The following JMJD1C variants were observed in gnomAD, a reference collection of about 807,000 sequenced individuals.
JMJD1C encodes jumonji domain containing 1C.
Under a neutral mutation model 245.3 loss-of-function variants are expected in JMJD1C, and 31 were observed. That is an observed-to-expected ratio of 0.13 (90% CI 0.09 to 0.17). JMJD1C has a LOEUF of 0.17. Ranked by LOEUF, JMJD1C falls within the 10% of genes least tolerant of loss-of-function variation. JMJD1C has a pLI of 1.00. For synonymous variants in JMJD1C, 1,057 were observed against 1,017.4 expected, an observed-to-expected ratio of 1.04 and a Z score of -0.74; for missense variants, 2,691 against 3,000.2, an observed-to-expected ratio of 0.90 and a Z score of 2.41.
intron 1 of JMJD1C, among the ~76,000 whole-genome samples, chr10:63,393,245 G>T (rs917381312): frequency 4.6e-5 from 7 of 152,142 alleles, no homozygotes; most frequent in African/African-American, 1.4e-4. Flanking sequence ...TCCAGCCTGG[G>T]CAACAGAGTG....
chr10:63,205,073 G>A lies in JMJD1C; in HGVS notation c.5074+1522C>T, dbSNP rs1483246468. 4 of 959,550 alleles carry A rather than the reference G, an allele frequency of 4.2e-6. No homozygotes were observed. In the East Asian group the frequency reaches 3.5e-4, roughly 83 times the overall value. 59.4% of individuals were successfully genotyped at this position (959,550 alleles called of 1,614,324 possible). On this transcript the variant is annotated intron_variant, in intron 10 of 25. Transcript: ENST00000399262. ...CAAACTGAGAAAAACTACTACTAGA[G>A]TAAAATGATATAGAAACACTTTATA...
Position 63,262,806 on chromosome 10 carries a change from T to TA in JMJD1C, c.447+1844dup, listed in dbSNP as rs530327751. Among the ~76,000 whole-genome samples, 27 of 73,490 alleles carry TA rather than the reference T, an allele frequency of 3.7e-4. No homozygotes were observed. The East Asian group carries it at 6.8e-3, about 18-fold the overall frequency. 48.2% of individuals were successfully genotyped at this position (73,490 alleles called of 152,430 possible). A position where few individuals can be genotyped will look rare whatever the true frequency, so the allele number is the denominator to read the frequency against. On this transcript the variant is annotated intron_variant, in intron 3 of 25. Transcript: ENST00000399262. ...AGCTCTTATGCCTCTCAAACTGTTT[T>TA]AAAAAAAGTTAGGGTACCCCCCCCA...
intron 1 of JMJD1C, among the ~76,000 whole-genome samples, chr10:63,488,701 T>C (rs1456195928): frequency 2.0e-5 from 3 of 152,220 alleles, no homozygotes; most frequent in Non-Finnish European, 4.4e-5. Context: ...AAGCTGAGAT[T>C]AACTCTATCT....
At chr10:63,293,740 T>G (rs1005535914) in intron 2 of JMJD1C, among the ~76,000 whole-genome samples, 1 of 152,122 alleles carries the variant, frequency 6.6e-6, no homozygotes, top group Non-Finnish European at 1.5e-5. Context: ...GGCTTATTTC[T>G]CCTTTGACTT....
At chr10:63,333,320 C>G (rs1942361461) in intron 2 of JMJD1C, among the ~76,000 whole-genome samples, 1 of 151,974 alleles carries the variant, frequency 6.6e-6, no homozygotes, top group Non-Finnish European at 1.5e-5. Context: ...TTAGGGAGGC[C>G]AAGGCAAGAG....
intron 3 of JMJD1C, among the ~76,000 whole-genome samples, chr10:63,245,133 C>CAAAAA (rs71025133): frequency 6.1e-5 from 4 of 65,690 alleles, no homozygotes; most frequent in African/African-American, 1.6e-4. Flanking sequence ...GACTCTGTCT[C>CAAAAA]AAAAAAAAAA....
intron 2 of JMJD1C, chr10:63,268,859 G>T: frequency 4.1e-6 from 4 of 985,820 alleles, no homozygotes; most frequent in Non-Finnish European, 4.8e-6. Context: ...CGGCGTCATT[G>T]TATAGGAAGA....
intron 2 of JMJD1C, among the ~76,000 whole-genome samples, chr10:63,355,344 T>C (rs895928789): frequency 1.3e-5 from 2 of 152,216 alleles, no homozygotes; most frequent in African/African-American, 4.8e-5. Flanking sequence ...CAAAGCTTAT[T>C]TCCATTTCAC....
At chr10:63,365,014 T>C (rs1945718347) in intron 2 of JMJD1C, among the ~76,000 whole-genome samples, 3 of 152,244 alleles carry the variant, frequency 2.0e-5, no homozygotes, top group Admixed American at 2.0e-4. Flanking sequence ...CCCTTTATGA[T>C]TTGATCACCG....
Position 63,214,843 on chromosome 10 carries a change from T to G in JMJD1C, c.1324A>C (p.Lys442Gln), listed in dbSNP as rs1165666562. 6.2e-7 allele frequency: 1 copy of G among 1,614,062 alleles called. No homozygotes were observed. Residue 442 changes from lysine (K) to glutamine (Q), a missense_variant, in exon 8 of 26, where the codon AAA becomes CAA. By Grantham distance (53) the Lys-to-Gln change is moderately conservative (BLOSUM62 1). Transcript: ENST00000399262. Reference sequence around the variant, plus strand: ...TTCCGCTTCTCTGCTTCTTCATGTTTTTTATCTTCCTGTATTTGATCCCAG... The same window carrying G: ...TTCCGCTTCTCTGCTTCTTCATGTTGTTTATCTTCCTGTATTTGATCCCAG... ...PPWDQIQEDK[K>Q]HEEAEKRKSV...
chr10:63,518,489 A>G (rs544595685), intron 1 of JMJD1C, among the ~76,000 whole-genome samples: 1 of 152,362 alleles, frequency 6.6e-6, no homozygotes, highest in South Asian at 2.1e-4. Flanking sequence ...GTAGCTGAAT[A>G]TATCTATGAA....
intron 2 of JMJD1C, among the ~76,000 whole-genome samples, chr10:63,339,785 A>G (rs866514217): frequency 6.6e-6 from 1 of 152,204 alleles, no homozygotes; most frequent in African/African-American, 2.4e-5. Flanking sequence ...AATTAGCCGG[A>G]TGTGGTCTCA....
chr10:63,356,675 A>G (rs1944872045), intron 2 of JMJD1C, among the ~76,000 whole-genome samples: 1 of 152,216 alleles, frequency 6.6e-6, no homozygotes, highest in African/African-American at 2.4e-5. Context: ...AGTTTAAAAC[A>G]ACACTTTTGG....
intron 2 of JMJD1C, among the ~76,000 whole-genome samples, chr10:63,296,340 G>A (rs1859431941): frequency 6.6e-6 from 1 of 151,886 alleles, no homozygotes; most frequent in Non-Finnish European, 1.5e-5. Flanking sequence ...TTGAGATCAC[G>A]AACAGCAGCA....
At chr10:63,484,232 GGATGGATAGATAGATA>G (rs59316603) in intron 1 of JMJD1C, among the ~76,000 whole-genome samples, 3,463 of 93,848 alleles carry the variant, frequency 0.037, 104 homozygotes, top group Middle Eastern at 0.098. Flanking sequence ...ATGGATGGAT[GGATGGATAGATAGATA>G]GATAGATAGA....
chr10:63,472,611 C>T (rs1564956866), intron 1 of JMJD1C, among the ~76,000 whole-genome samples: 1 of 152,124 alleles, frequency 6.6e-6, no homozygotes, highest in Non-Finnish European at 1.5e-5. Context: ...GGATTGCAGG[C>T]ATGAGCCACT....
intron 2 of JMJD1C, among the ~76,000 whole-genome samples, chr10:63,374,979 C>A (rs1170472160): frequency 6.6e-6 from 1 of 151,996 alleles, no homozygotes; most frequent in Non-Finnish European, 1.5e-5. Flanking sequence ...CACAATTTTA[C>A]TTCTTTCTTT....
chr10:63,314,470 G>C (rs959615968), intron 2 of JMJD1C, among the ~76,000 whole-genome samples: 2 of 152,218 alleles, frequency 1.3e-5, no homozygotes, highest in East Asian at 3.8e-4. Context: ...TGAGGTGGGA[G>C]AATCACCTGA....
In JMJD1C at chr10:63,337,624, A is replaced by AAAAGAAAAGAAAAGAAAAGAAAAAG. The variant is rs139374030; in HGVS notation, c.333+42693_333+42694insCTTTTTCTTTTCTTTTCTTTTCTTT. 9.0e-3 allele frequency among the ~76,000 whole-genome samples: 538 copies of AAAAGAAAAGAAAAGAAAAGAAAAAG among 60,042 alleles called. 35 individuals are homozygous for AAAAGAAAAGAAAAGAAAAGAAAAAG. The highest frequency in any genetic ancestry group is 0.015 in the Middle Eastern group (2 of 134). The allele number at this position is 60,042 out of a possible 152,430, so 39.4% of individuals were successfully genotyped here. ...AAAAGAAAAGAAAAGAAAAGAAAAGAAAAAGAAAAGAAAAAAAATCCGCTA... is the reference window on the plus strand; with the variant it reads ...AAAAGAAAAGAAAAGAAAAGAAAAGAAAAGAAAAGAAAAGAAAAGAAAAAGAAAAGAAAAGAAAAAAAATCCGCTA... On this transcript the variant is annotated intron_variant, in intron 2 of 25. Coordinates refer to ENST00000399262, the MANE Select transcript of JMJD1C (RefSeq NM_032776.3).
Sources: allele counts gnomAD v4.1 joint callset (sites outside exome capture counted in the v4.1 genomes callset), GRCh38; gene constraint gnomAD v4.1.1; transcripts MANE v1.5; gene names NCBI Gene and HGNC (gene_info 2026-07-23, HGNC 2026-07-21).